Variants in KLHL25 observed in about 807,000 individuals in gnomAD.
KLHL25 encodes kelch like family member 25.
KLHL25 carries 41 observed loss-of-function variants against 30.0 expected under a neutral mutation model. That is an observed-to-expected ratio of 1.37 (90% confidence interval 1.07 to 1.78). The LOEUF (loss-of-function observed/expected upper bound fraction) is 1.78, where lower values mean the gene tolerates loss of function less well. KLHL25 is among the 40% of genes most tolerant of loss of function. The pLI is 0.00. For missense variants in KLHL25, 971 were observed against 824.5 expected (o/e 1.18, Z -2.18); for synonymous variants, 399 against 355.3 (o/e 1.12, Z -1.38).
chr15:85,782,573 T>G lies in KLHL25; in HGVS notation c.-11+12193A>C, dbSNP rs367706681. 1.0e-3 allele frequency among the ~76,000 whole-genome samples: 154 copies of G among 146,998 alleles called. 1 individual carries two copies. Among genetic ancestry groups the G allele is most frequent in the African/African-American group, 3.8e-3 (149 of 39,650 alleles). ...GCCCCACACCCTCACCTCCCCAATC[T>G]CTCCTTTCATAGCTACACCCCACTC... On this transcript the variant is annotated intron_variant, in intron 1 of 2. Coordinates refer to ENST00000337975, the MANE Select transcript of KLHL25 (RefSeq NM_022480.4).
At chr15:85,792,115 C>T (rs757150529) in intron 1 of KLHL25, among the ~76,000 whole-genome samples, 27 of 152,224 alleles carry the variant, frequency 1.8e-4, no homozygotes, top group Middle Eastern at 3.4e-3. Flanking sequence ...ATGAGGTGGT[C>T]AAGGAAAGGG....
intron 2 of KLHL25, chr15:85,764,430 T>G (rs1056658906): frequency 1.3e-5 from 2 of 152,498 alleles, no homozygotes; most frequent in Non-Finnish European, 2.9e-5. Flanking sequence ...GGCAGAAGCT[T>G]AAGAGCAACC....
intron 1 of KLHL25, among the ~76,000 whole-genome samples, chr15:85,784,833 C>G (rs1220455450): frequency 6.6e-6 from 1 of 152,166 alleles, no homozygotes. Context: ...AGTAGAGAAC[C>G]CAGTCAGGCC....
intron 1 of KLHL25, among the ~76,000 whole-genome samples, chr15:85,784,305 G>A (rs1448727008): frequency 6.6e-6 from 1 of 152,180 alleles, no homozygotes; most frequent in Non-Finnish European, 1.5e-5. Flanking sequence ...AAGGCAGGCG[G>A]ATCACCGGAG....
intron 1 of KLHL25, among the ~76,000 whole-genome samples, chr15:85,788,826 C>T (rs930204704): frequency 2.6e-5 from 4 of 152,172 alleles, no homozygotes; most frequent in South Asian, 2.1e-4. Flanking sequence ...ACAACAAAAG[C>T]GTTCACAGGT....
At chr15:85,767,197 G>A (rs1036259055) in intron 2 of KLHL25, among the ~76,000 whole-genome samples, 3 of 152,060 alleles carry the variant, frequency 2.0e-5, no homozygotes, top group Non-Finnish European at 2.9e-5. Context: ...TCACTTGTTA[G>A]CCAGGATGGT....
At chr15:85,785,837 A>G (rs532986616) in intron 1 of KLHL25, among the ~76,000 whole-genome samples, 1 of 152,346 alleles carries the variant, frequency 6.6e-6, no homozygotes, top group African/African-American at 2.4e-5. Flanking sequence ...ACTTCCTGCA[A>G]CACAGATATA....
At chr15:85,779,045 ATT>A (rs35309594) in intron 1 of KLHL25, among the ~76,000 whole-genome samples, 38 of 141,812 alleles carry the variant, frequency 2.7e-4, no homozygotes, top group Admixed American at 4.3e-4. Flanking sequence ...CTCACCAACA[ATT>A]TTTTTTTTTT....
chr15:85,781,700 TC>T (rs1376079719), intron 1 of KLHL25, among the ~76,000 whole-genome samples: 1 of 152,160 alleles, frequency 6.6e-6, no homozygotes, highest in East Asian at 1.9e-4. Context: ...GCCAGGCTGG[TC>T]CTGAACTCCT....
chr15:85,769,218 G>C lies in KLHL25; in HGVS notation c.593C>G (p.Ser198Trp). The C allele has an allele frequency of 1.2e-6, 2 of 1,613,734 alleles. No individual in the cohort carries two copies. Among genetic ancestry groups the C allele is most frequent in the African/African-American group, 1.3e-5 (1 of 75,056 alleles). Residue 198 changes from serine (S) to tryptophan (W), a missense_variant, in exon 2 of 3, where the codon TCG becomes TGG. By Grantham distance (177) the Ser-to-Trp change is radical (BLOSUM62 -3). Coordinates refer to ENST00000337975, the MANE Select transcript of KLHL25 (RefSeq NM_022480.4). ...GTCCTCGGTCTCCAGCTCATCACTC[G>C]AGATGAGGTCCAGCAGTGTGTCCTT... Reference protein sequence around the residue: ...LSKDTLLDLISSDELETEDER... With the variant: ...LSKDTLLDLIWSDELETEDER...
In KLHL25 at chr15:85,768,468, AC is replaced by A. The variant is rs756396763; in HGVS notation, c.1342del (p.Val448PhefsTer77). On this transcript the variant is annotated frameshift_variant, in exon 2 of 3. Coordinates refer to ENST00000337975, the MANE Select transcript of KLHL25 (RefSeq NM_022480.4). LOFTEE classifies it high-confidence loss of function. ...CCGGTGGATGCTGGTTCCTCCGAAA[AC>A]AAAGAGCTTCAGCTTGGCACTCACC... ...AVVSAKLKLF[V>X]FGGTSIHRDM... is the part of the protein sequence containing the mutation. 3.7e-6 allele frequency: 6 copies of A among 1,613,572 alleles called. No homozygotes were observed. Among genetic ancestry groups the A allele is most frequent in the African/African-American group, 1.3e-5 (1 of 75,040 alleles).
intron 1 of KLHL25, among the ~76,000 whole-genome samples, chr15:85,783,079 C>T (rs571715460): frequency 8.5e-5 from 13 of 152,298 alleles, no homozygotes; most frequent in African/African-American, 3.1e-4. Flanking sequence ...ATATAATCAA[C>T]ATATACCATA....
Position 85,768,217 on chromosome 15 carries a change from G to T in KLHL25, c.1594C>A (p.His532Asn), listed in dbSNP as rs780923770. The T allele has an allele frequency of 7.4e-6, 12 of 1,614,080 alleles. No homozygotes were observed. In the East Asian group the frequency reaches 2.2e-4, roughly 30 times the overall value. ...GDMTAKRMSC[H>N]ALASGNKLYV... is the part of the protein sequence containing the mutation. Reference sequence around the variant, plus strand: ...AGCTTGTTGCCGGAAGCCAGGGCATGGCAGGACATGCGCTTGGCAGTCATG... The same window carrying T: ...AGCTTGTTGCCGGAAGCCAGGGCATTGCAGGACATGCGCTTGGCAGTCATG... Residue 532 changes from histidine (H) to asparagine (N), a missense_variant, in exon 2 of 3, where the codon CAT becomes AAT. By Grantham distance (68) the His-to-Asn change is moderately conservative. Coordinates refer to ENST00000337975, the MANE Select transcript of KLHL25 (RefSeq NM_022480.4).
chr15:85,778,788 C>T (rs1225357475), intron 1 of KLHL25, among the ~76,000 whole-genome samples: 1 of 152,222 alleles, frequency 6.6e-6, no homozygotes, highest in Non-Finnish European at 1.5e-5. Flanking sequence ...GGACACTGTC[C>T]TCTCCGTCTA....
intron 1 of KLHL25, among the ~76,000 whole-genome samples, chr15:85,782,989 G>A (rs2089754556): frequency 6.6e-6 from 1 of 152,170 alleles, no homozygotes; most frequent in Admixed American, 6.5e-5. Flanking sequence ...ACGGGAGAAA[G>A]AATCAAAATG....
Position 85,768,636 on chromosome 15 carries a change from A to C in KLHL25, c.1175T>G (p.Val392Gly). 6.2e-7 allele frequency: 1 copy of C among 1,612,844 alleles called. No homozygotes were observed. Among genetic ancestry groups the C allele is most frequent in the Non-Finnish European group, 8.5e-7 (1 of 1,179,252 alleles). Residue 392 changes from valine (V) to glycine (G), a missense_variant, in exon 2 of 3, where the codon GTG (valine) becomes GGG (glycine). Coordinates refer to ENST00000337975, the MANE Select transcript of KLHL25 (RefSeq NM_022480.4). ...GSAELENCLY[V>G]VGGHTSLAGV... ...TGCCAGGGATGTGTGTCCCCCCACC[A>C]CATAGAGGCAGTTCTCCAGCTCAGC...
intron 1 of KLHL25, among the ~76,000 whole-genome samples, chr15:85,777,524 G>A (rs900075500): frequency 4.6e-5 from 7 of 152,212 alleles, no homozygotes; most frequent in Non-Finnish European, 8.8e-5. Context: ...CCAGAGGGCC[G>A]GCCGATGTTT....
chr15:85,769,339 C>G lies in KLHL25; in HGVS notation c.472G>C (p.Ala158Pro), dbSNP rs372508532. 6.2e-7 allele frequency: 1 copy of G among 1,614,100 alleles called. No individual in the cohort carries two copies. Among genetic ancestry groups the G allele is most frequent in the Non-Finnish European group, 8.5e-7 (1 of 1,180,012 alleles). ...NCLGMMLLSD[A>P]HQCRRLYEFS... ...TCATACAGCCGGCGGCACTGGTGGG[C>G]GTCCGAGAGCAGCATCATGCCCAGG... Residue 158 changes from alanine (A) to proline (P), a missense_variant, in exon 2 of 3, where the codon GCC becomes CCC. Transcript: ENST00000337975.
chr15:85,769,374 G>C lies in KLHL25; in HGVS notation c.437C>G (p.Pro146Arg). ...AAEFLEKNLF[P>R]SNCLGMMLLS... ...CAGCATCATGCCCAGGCAGTTGGAG[G>C]GGAAAAGGTTCTTCTCCAGGAACTC... Residue 146 changes from proline to arginine, a missense_variant, in exon 2 of 3, where the codon CCC becomes CGC. By Grantham distance (103) the Pro-to-Arg change is moderately radical. Transcript: ENST00000337975. 1.9e-6 allele frequency: 3 copies of C among 1,614,162 alleles called. No individual in the cohort carries two copies. Among genetic ancestry groups the C allele is most frequent in the Non-Finnish European group, 2.5e-6 (3 of 1,180,030 alleles).
Sources: allele counts gnomAD v4.1 joint callset (sites outside exome capture counted in the v4.1 genomes callset), GRCh38; gene constraint gnomAD v4.1.1; transcripts MANE v1.5; gene names NCBI Gene and HGNC (gene_info 2026-07-23, HGNC 2026-07-21).